Variants in IGSF23 observed in about 807,000 individuals in gnomAD.
The protein encoded by IGSF23 is immunoglobulin superfamily, member 23.
IGSF23 carries 14 observed loss-of-function variants against 17.8 expected under a neutral mutation model. That is an observed-to-expected ratio of 0.79 (90% confidence interval 0.52 to 1.23). The LOEUF is 1.23. IGSF23 is among the 50% of genes most tolerant of loss of function. The pLI is 0.00. For missense variants in IGSF23, 214 were observed against 241.7 expected (o/e 0.89, Z 0.76); for synonymous variants, 85 against 92.5 (o/e 0.92, Z 0.46).
At chr19:44,620,808 T>A (rs770372071) in intron 1 of IGSF23, 2 of 152,172 alleles carry the variant, frequency 1.3e-5, no homozygotes, top group African/African-American at 4.8e-5. Context: ...CTGGATCAAA[T>A]CCCTCTGGCA....
At chr19:44,624,378 A>G (rs940207361) in intron 2 of IGSF23, among the ~76,000 whole-genome samples, 3 of 149,160 alleles carry the variant, frequency 2.0e-5, no homozygotes, top group African/African-American at 7.5e-5. Context: ...TCTGCCTCCC[A>G]GGTTCAAGTG....
intron 3 of IGSF23, among the ~76,000 whole-genome samples, chr19:44,633,919 T>C (rs964409881): frequency 2.6e-5 from 4 of 152,228 alleles, no homozygotes; most frequent in African/African-American, 9.6e-5. Context: ...GGAACAGAAG[T>C]AGATGTAACA....
At chr19:44,614,051 C>A in intron 1 of IGSF23, 2 of 1,325,418 alleles carry the variant, frequency 1.5e-6, no homozygotes, top group Non-Finnish European at 2.1e-6. Flanking sequence ...TGTCTCCTTA[C>A]GAGTCCAAGT....
chr19:44,627,363 G>T, intron 2 of IGSF23, 57 bp from the exon 3 acceptor site: 1 of 1,439,536 alleles, frequency 6.9e-7, no homozygotes, highest in Non-Finnish European at 9.3e-7. Context: ...GGAGGGAGGG[G>T]TGCACAGGGA....
At chr19:44,614,740 C>T (rs1972331901) in intron 1 of IGSF23, among the ~76,000 whole-genome samples, 1 of 152,044 alleles carries the variant, frequency 6.6e-6, no homozygotes, top group Admixed American at 6.6e-5. Flanking sequence ...CCTGTCAGCC[C>T]GTTCTAAGTG....
At chr19:44,615,138 A>C (rs1255869173) in intron 1 of IGSF23, among the ~76,000 whole-genome samples, 2 of 151,484 alleles carry the variant, frequency 1.3e-5, no homozygotes, top group Non-Finnish European at 2.9e-5. Context: ...AAATACAAAA[A>C]ATTAGCCAGG....
At chr19:44,614,398 G>C (rs1396167615) in intron 1 of IGSF23, among the ~76,000 whole-genome samples, 7 of 152,108 alleles carry the variant, frequency 4.6e-5, no homozygotes, top group Non-Finnish European at 4.4e-5. Flanking sequence ...TAACTGAATA[G>C]ATCTATATAC....
chr19:44,635,147 G>A lies in IGSF23; in HGVS notation c.546-254G>A, dbSNP rs377657277. On this transcript the variant is annotated intron_variant, in intron 3 of 4. Coordinates refer to ENST00000402988, the MANE Select transcript of IGSF23 (RefSeq NM_001205280.2). ...GGCCACCTTCTCACTGTGTCCTCAC[G>A]TGACCTTTTCTCTATGCTCATCCCT... Among the ~76,000 whole-genome samples, 8 of 152,264 alleles carry A rather than the reference G, an allele frequency of 5.3e-5. No homozygotes were observed. The South Asian group carries it at 1.0e-3, about 20-fold the overall frequency.
At chr19:44,624,899 C>CAAAAAA in intron 2 of IGSF23, among the ~76,000 whole-genome samples, 1 of 87,740 alleles carries the variant, frequency 1.1e-5, no homozygotes, top group Non-Finnish European at 2.2e-5. Context: ...CTGTCTCTAC[C>CAAAAAA]AAAAAAAAAA....
chr19:44,634,159 C>T (rs1158005856), intron 3 of IGSF23, among the ~76,000 whole-genome samples: 69 of 152,248 alleles, frequency 4.5e-4, no homozygotes, highest in South Asian at 2.5e-3. Context: ...AGACATTGTA[C>T]GGGTGTGAGG....
At chr19:44,618,331 G>A in intron 1 of IGSF23, 1 of 379,322 alleles carries the variant, frequency 2.6e-6, no homozygotes, top group Non-Finnish European at 5.3e-6. Flanking sequence ...ATTAGAAAAT[G>A]ACGGCTCAGG....
intron 3 of IGSF23, among the ~76,000 whole-genome samples, chr19:44,627,947 CT>C (rs56014048): frequency 1.7e-3 from 238 of 139,248 alleles, no homozygotes; most frequent in Middle Eastern, 3.7e-3. Flanking sequence ...TTTTCTTTTT[CT>C]TTTTTTTTTT....
At chr19:44,616,307 T>A (rs548718624) in intron 1 of IGSF23, among the ~76,000 whole-genome samples, 29 of 152,246 alleles carry the variant, frequency 1.9e-4, no homozygotes, top group Non-Finnish European at 4.0e-4. Context: ...TACTGCTTTT[T>A]ACTTTACTTT....
In IGSF23 at chr19:44,620,191, C is replaced by G. The variant is rs150752415; in HGVS notation, c.126-3516C>G. On this transcript the variant is annotated intron_variant, in intron 1 of 4. Coordinates refer to ENST00000402988, the MANE Select transcript of IGSF23 (RefSeq NM_001205280.2). ...GACTGAGGAAGTAGAATCGCTTGAA[C>G]CTGGGAGTCGGAGGTTGCAATGAGC... Among the ~76,000 whole-genome samples the G allele has an allele frequency of 9.7e-3, 1,479 of 151,734 alleles. 18 individuals carry two copies. The highest frequency in any genetic ancestry group is 0.033 in the African/African-American group (1,369 of 41,380).
intron 2 of IGSF23, among the ~76,000 whole-genome samples, chr19:44,626,332 A>C (rs1239381629): frequency 6.6e-6 from 1 of 152,198 alleles, no homozygotes; most frequent in East Asian, 1.9e-4. Context: ...ATATTCAGTG[A>C]GAAGGACAAT....
At chr19:44,618,345 C>T (rs572964998) in intron 1 of IGSF23, among the ~76,000 whole-genome samples, 5 of 152,234 alleles carry the variant, frequency 3.3e-5, no homozygotes, top group African/African-American at 7.2e-5. Flanking sequence ...GCTCAGGACT[C>T]GGGCAGCTAC....
intron 3 of IGSF23, among the ~76,000 whole-genome samples, chr19:44,633,475 G>A (rs1000253227): frequency 6.6e-6 from 1 of 152,160 alleles, no homozygotes; most frequent in Non-Finnish European, 1.5e-5. Flanking sequence ...GTTAGAACTT[G>A]TGCTCCCCAT....
intron 1 of IGSF23, among the ~76,000 whole-genome samples, chr19:44,616,874 T>A (rs1055201277): frequency 9.3e-5 from 14 of 150,038 alleles, no homozygotes; most frequent in Non-Finnish European, 2.1e-4. Flanking sequence ...ACCATATATG[T>A]AGAGAGAGAG....
intron 3 of IGSF23, among the ~76,000 whole-genome samples, chr19:44,628,093 T>G (rs748303836): frequency 5.3e-5 from 8 of 151,920 alleles, no homozygotes; most frequent in Non-Finnish European, 1.0e-4. Context: ...TACAGGTGCA[T>G]ACCACCACGC....
Sources: gnomAD v4.1 joint callset for allele counts (sites outside exome capture counted in the v4.1 genomes callset) on GRCh38, gnomAD v4.1.1 for gene constraint, MANE v1.5 for transcripts, NCBI Gene and HGNC (gene_info 2026-07-23, HGNC 2026-07-21) for gene names.